Variants in SLC15A2 observed in about 807,000 individuals in gnomAD.
The protein encoded by SLC15A2 is solute carrier family 15 member 2, also known as kidney H(+)/peptide cotransporter.
In SLC15A2, 77 loss-of-function variants were observed where a neutral mutation model predicts 95.5. The ratio of observed to expected loss-of-function variants is 0.81; its 90% confidence interval spans 0.67 to 0.97. The LOEUF is 0.97. Among genes scored for constraint, SLC15A2 ranks in the 50% least tolerant of loss-of-function variants. The pLI, the probability that SLC15A2 is intolerant of heterozygous loss-of-function variation, is 0.00. For missense variants in SLC15A2, 893 were observed against 874.4 expected (o/e 1.02, Z -0.27); for synonymous variants, 306 against 306.9 (o/e 1.00, Z 0.03).
chr3:121,906,076 T>C (rs13093033), intron 3 of SLC15A2, among the ~76,000 whole-genome samples: 10,577 of 152,284 alleles, frequency 0.069, 420 homozygotes, highest in South Asian at 0.16. Context: ...GTCTTCTTGT[T>C]GAATTGATCC....
rs761781029 is a variant in SLC15A2, at chr3:121,923,118, T to G, written c.946T>G (p.Leu316Val). 7 of 1,614,024 alleles carry G rather than the reference T, an allele frequency of 4.3e-6. No homozygotes were observed. In the Admixed American group the frequency reaches 5.0e-5, roughly 12 times the overall value. Reference sequence around the variant, plus strand: ...CCCATTGCCCATGTTCTGGGCTCTTTTGGATCAGCAGGTAAGAATAGTTCT... The same window carrying G: ...CCCATTGCCCATGTTCTGGGCTCTTGTGGATCAGCAGGTAAGAATAGTTCT... ...YIPLPMFWAL[L>V]DQQGSRWTLQ... Residue 316 changes from leucine to valine, a missense_variant, in exon 10 of 22, where the codon TTG becomes GTG. Physicochemically the swap from Leu to Val is conservative, Grantham distance 32. Transcript: ENST00000489711.
chr3:121,895,428 A>G (rs1709398136), intron 1 of SLC15A2: 1 of 152,222 alleles, frequency 6.6e-6, no homozygotes, highest in Non-Finnish European at 1.5e-5. Context: ...ACATTAAAAT[A>G]TATTAATATT....
rs1405645900 is a variant in SLC15A2 at position 121,939,574 on chromosome 3, A to G, written c.1908+79A>G. On this transcript the variant is annotated intron_variant, in intron 20 of 21. Coordinates refer to ENST00000489711, the MANE Select transcript of SLC15A2 (RefSeq NM_021082.4). ...AATTTTAATTCTAGCACTGACTTAA[A>G]TAGGTATGTTATCTCTTTTGGCCTT... 4.7e-6 allele frequency: 6 copies of G among 1,270,102 alleles called. No homozygotes were observed. In the African/African-American group the frequency reaches 9.2e-5, roughly 20 times the overall value. 78.7% of individuals were successfully genotyped at this position (1,270,102 alleles called of 1,614,324 possible).
intron 7 of SLC15A2, among the ~76,000 whole-genome samples, chr3:121,920,855 T>G (rs9811473): frequency 0.45 from 67,842 of 151,978 alleles, 15,676 homozygotes; most frequent in East Asian, 0.69. Flanking sequence ...AAATGCTACT[T>G]GTCACTGAGA....
intron 3 of SLC15A2, among the ~76,000 whole-genome samples, chr3:121,910,219 G>A (rs138417784): frequency 5.3e-4 from 67 of 125,658 alleles, no homozygotes; most frequent in Admixed American, 2.3e-3. Flanking sequence ...TTTTTGAGAC[G>A]GAGTCTTGCT....
chr3:121,910,508 G>A (rs1435768435), intron 3 of SLC15A2, among the ~76,000 whole-genome samples: 3 of 151,916 alleles, frequency 2.0e-5, no homozygotes, highest in Non-Finnish European at 2.9e-5. Flanking sequence ...CTAACTTCTT[G>A]TCCGCTACCC....
At chr3:121,934,975 C>T (rs1219536488) in intron 19 of SLC15A2, among the ~76,000 whole-genome samples, 5 of 97,082 alleles carry the variant, frequency 5.2e-5, no homozygotes, top group South Asian at 5.8e-4. Flanking sequence ...TAGCATGAAG[C>T]GTTGTTGAAT....
rs186017524 is a variant in SLC15A2 at position 121,906,155 on chromosome 3, A to G, written c.336-5419A>G. The stretch of plus-strand genomic sequence containing the variant: ...GTTGGTTTAAAGTCTGTTTTGTCAG[A>G]GACTAGGATTGCAACCCCTGCTTTT... On this transcript the variant is annotated intron_variant, in intron 3 of 21. Coordinates refer to ENST00000489711, the MANE Select transcript of SLC15A2 (RefSeq NM_021082.4). 3.3e-4 allele frequency among the ~76,000 whole-genome samples: 50 copies of G among 152,220 alleles called. 1 individual carries two copies. Among genetic ancestry groups the G allele is most frequent in the Middle Eastern group, 3.4e-3 (1 of 294 alleles).
chr3:121,936,465 T>A (rs545178891), intron 19 of SLC15A2, among the ~76,000 whole-genome samples: 153 of 152,244 alleles, frequency 1.0e-3, no homozygotes, highest in Non-Finnish European at 1.9e-3. Flanking sequence ...TGGGTGCATA[T>A]ATATTTAGGA....
intron 16 of SLC15A2, 22 bp from the exon 17 acceptor site, chr3:121,929,280 T>C (rs375738943): frequency 1.4e-5 from 23 of 1,613,134 alleles, no homozygotes; most frequent in Non-Finnish European, 1.9e-5. Flanking sequence ...CTGTTACTGA[T>C]TTTTACTTTC....
intron 3 of SLC15A2, among the ~76,000 whole-genome samples, chr3:121,904,723 C>A (rs939129550): frequency 8.5e-5 from 13 of 152,188 alleles, no homozygotes; most frequent in Non-Finnish European, 1.5e-4. Context: ...GGTGGATAAC[C>A]TTTCTGATGT....
At chr3:121,898,777 C>T (rs534759730) in intron 3 of SLC15A2, among the ~76,000 whole-genome samples, 2 of 152,160 alleles carry the variant, frequency 1.3e-5, no homozygotes, top group African/African-American at 4.8e-5. Flanking sequence ...AATATTTTTT[C>T]TGGATATTTT....
At chr3:121,904,542 T>C (rs1162480882) in intron 3 of SLC15A2, among the ~76,000 whole-genome samples, 1 of 152,218 alleles carries the variant, frequency 6.6e-6, no homozygotes. Context: ...CCTAGTTTAT[T>C]GAGAGTTTTT....
Position 121,922,333 on chromosome 3 carries a change from T to C in SLC15A2, c.780+31T>C, listed in dbSNP as rs753920445. The C allele has an allele frequency of 3.2e-6, 5 of 1,574,792 alleles. No homozygotes were observed. The Admixed American group carries it at 8.4e-5, about 26-fold the overall frequency. The stretch of plus-strand genomic sequence containing the variant: ...TCCATAAATTGTTTTCTTGCCTTTT[T>C]CAATCAAAAGAAAGAGATGCTATGC... On this transcript the variant is annotated intron_variant, in intron 8 of 21. Coordinates refer to ENST00000489711, the MANE Select transcript of SLC15A2 (RefSeq NM_021082.4).
rs2257109 is a variant in SLC15A2, at chr3:121,924,323, A to G, written c.1003-28A>G. The G allele has an allele frequency of 8.7e-6, 14 of 1,605,118 alleles. No homozygotes were observed. In the African/African-American group the frequency reaches 1.7e-4, roughly 20 times the overall value. Reference sequence around the variant, plus strand: ...TTTTTTTTCTTTTCTTCAGACATCAACTAAATTAATTTGTTAAAATGTTTC... The same window carrying G: ...TTTTTTTTCTTTTCTTCAGACATCAGCTAAATTAATTTGTTAAAATGTTTC... On this transcript the variant is annotated intron_variant, in intron 11 of 21. Coordinates refer to ENST00000489711, the MANE Select transcript of SLC15A2 (RefSeq NM_021082.4).
intron 15 of SLC15A2, 41 bp downstream of exon 15, chr3:121,928,596 A>G (rs749261763): frequency 1.3e-6 from 2 of 1,581,568 alleles, no homozygotes; most frequent in Admixed American, 1.9e-5. Flanking sequence ...TCTGTATGCT[A>G]TATTGATCTT....
At chr3:121,895,884 G>T (rs1291468274) in intron 1 of SLC15A2, among the ~76,000 whole-genome samples, 1 of 152,168 alleles carries the variant, frequency 6.6e-6, no homozygotes, top group East Asian at 1.9e-4. Flanking sequence ...TGTCCTCCAT[G>T]TTGGGCTCTG....
intron 3 of SLC15A2, among the ~76,000 whole-genome samples, chr3:121,910,627 T>C (rs557854669): frequency 6.6e-6 from 1 of 152,342 alleles, no homozygotes; most frequent in East Asian, 1.9e-4. Context: ...CTCTTTGCTA[T>C]CTTTATTCCA....
intron 13 of SLC15A2, among the ~76,000 whole-genome samples, chr3:121,926,802 G>A (rs774712799): frequency 8.5e-5 from 13 of 152,270 alleles, no homozygotes; most frequent in Non-Finnish European, 1.8e-4. Context: ...CAACCTGTGA[G>A]AGCAGCCACA....
Sources: allele counts gnomAD v4.1 joint callset (sites outside exome capture counted in the v4.1 genomes callset), GRCh38; gene constraint gnomAD v4.1.1; transcripts MANE v1.5; gene names NCBI Gene and HGNC (gene_info 2026-07-23, HGNC 2026-07-21).